WNT7A: variants seen among roughly 807,000 people sequenced by gnomAD.
WNT7A encodes Wnt family member 7A.
In WNT7A, 16 loss-of-function variants were observed where a neutral mutation model predicts 28.2. The observed-to-expected ratio is 0.57, with a 90% CI of 0.38 to 0.86. The LOEUF (loss-of-function observed/expected upper bound fraction) is 0.86. Ranked by LOEUF, WNT7A falls within the 40% of genes least tolerant of loss-of-function variation. The pLI, the probability that WNT7A is intolerant of heterozygous loss-of-function variation, is 0.00. For missense variants in WNT7A, 411 were observed against 489.7 expected, an observed-to-expected ratio of 0.84 and a Z score of 1.52; for synonymous variants, 190 against 195.9, an observed-to-expected ratio of 0.97 and a Z score of 0.25.
rs1694002484 is a variant in WNT7A, at chr3:13,816,314, A to G, written c.*2630T>C. The G allele has an allele frequency of 2.6e-5, 4 of 152,336 alleles. No homozygotes were observed. Among genetic ancestry groups the G allele is most frequent in the South Asian group, 2.1e-4 (1 of 4,820 alleles). The allele number at this position is 152,336 out of a possible 1,614,324, so 9.4% of individuals were successfully genotyped here. On this transcript the variant is annotated 3_prime_UTR_variant, in exon 4 of 4. Coordinates refer to ENST00000285018, the MANE Select transcript of WNT7A (RefSeq NM_004625.4). ...TACAGTCATTACTGGGAGGATCCTC[A>G]CAACAGCCCTGTGAGGTAGGTGTTA...
Position 13,843,592 on chromosome 3 carries a change from G to A in WNT7A, c.570+10940C>T, listed in dbSNP as rs370164317. 2.6e-5 allele frequency among the ~76,000 whole-genome samples: 4 copies of A among 151,880 alleles called. 1 individual carries two copies. Among genetic ancestry groups the A allele is most frequent in the Admixed American group, 6.6e-5 (1 of 15,264 alleles). ...GAGAACACCTCCGGGGGACTGAGCAGTACCCAACCAGAGCCTCAGCTGCCT... is the reference window on the plus strand; with the variant it reads ...GAGAACACCTCCGGGGGACTGAGCAATACCCAACCAGAGCCTCAGCTGCCT... On this transcript the variant is annotated intron_variant, in intron 3 of 3. Coordinates refer to ENST00000285018, the MANE Select transcript of WNT7A (RefSeq NM_004625.4).
chr3:13,839,188 C>T (rs533155006), intron 3 of WNT7A, among the ~76,000 whole-genome samples: 1 of 152,284 alleles, frequency 6.6e-6, no homozygotes, highest in Non-Finnish European at 1.5e-5. Flanking sequence ...GGTGTGGTTC[C>T]TGGACCAACC....
rs781133347 is a variant in WNT7A at position 13,819,102 on chromosome 3, C to T, written c.892G>A (p.Ala298Thr). 5.6e-5 allele frequency: 90 copies of T among 1,613,998 alleles called. No homozygotes were observed. Among genetic ancestry groups the T allele is most frequent in the Non-Finnish European group, 7.2e-5 (85 of 1,180,008 alleles). The change falls in exon 4 of 4, where the codon GCT becomes ACT. Residue 298 changes from alanine to threonine, a missense_variant. Transcript: ENST00000285018. The part of the protein sequence containing the change: ...GTQGRACNKT[A>T]PQASGCDLMC... ...AGGTCACAGCCGCTGGCCTGGGGAG[C>T]CGTCTTGTTGCAGGCGCGGCCCTGG...
intron 3 of WNT7A, among the ~76,000 whole-genome samples, chr3:13,829,440 A>G (rs1385913369): frequency 6.6e-6 from 1 of 152,216 alleles, no homozygotes; most frequent in Non-Finnish European, 1.5e-5. Flanking sequence ...GCGGCCTGGC[A>G]CCAGGTATCT....
At chr3:13,858,732 T>C (rs186931742) in intron 2 of WNT7A, among the ~76,000 whole-genome samples, 85 of 152,340 alleles carry the variant, frequency 5.6e-4, no homozygotes, top group African/African-American at 2.0e-3. Context: ...CCAGTCATTC[T>C]TGGCTTCAGA....
intron 3 of WNT7A, among the ~76,000 whole-genome samples, chr3:13,825,096 C>T (rs1300044590): frequency 6.6e-6 from 1 of 152,206 alleles, no homozygotes; most frequent in Non-Finnish European, 1.5e-5. Context: ...CTTGTAAGAG[C>T]ACAGGGTATT....
At chr3:13,846,884 G>A (rs1254212516) in intron 3 of WNT7A, among the ~76,000 whole-genome samples, 2 of 152,116 alleles carry the variant, frequency 1.3e-5, no homozygotes, top group Non-Finnish European at 2.9e-5. Context: ...GGCTGCCCAC[G>A]TCCATCCAGG....
chr3:13,869,737 GGAAA>G (rs916418873), intron 2 of WNT7A, among the ~76,000 whole-genome samples: 1 of 148,328 alleles, frequency 6.7e-6, no homozygotes, highest in Non-Finnish European at 1.5e-5. Context: ...AAGGAAGGAA[GGAAA>G]GAAAGAAAAG....
chr3:13,831,772 G>T (rs1041384254), intron 3 of WNT7A, among the ~76,000 whole-genome samples: 11 of 152,116 alleles, frequency 7.2e-5, no homozygotes, highest in African/African-American at 2.7e-4. Flanking sequence ...CCAGCTCCAG[G>T]TTTCTCATGG....
At chr3:13,838,332 G>A (rs996571652) in intron 3 of WNT7A, among the ~76,000 whole-genome samples, 1 of 152,202 alleles carries the variant, frequency 6.6e-6, no homozygotes, top group African/African-American at 2.4e-5. Context: ...CTGCTGGCTG[G>A]TGCATGTGCA....
chr3:13,831,404 G>A (rs1369716924), intron 3 of WNT7A, among the ~76,000 whole-genome samples: 1 of 152,220 alleles, frequency 6.6e-6, no homozygotes, highest in African/African-American at 2.4e-5. Context: ...CAGTCAGGAA[G>A]CATGGAACTG....
chr3:13,860,782 T>C (rs777515122), intron 2 of WNT7A, among the ~76,000 whole-genome samples: 3 of 152,164 alleles, frequency 2.0e-5, no homozygotes, highest in Non-Finnish European at 4.4e-5. Context: ...TTCAGGTGGG[T>C]AATTTCCCGA....
At chr3:13,860,541 A>C (rs1165642186) in intron 2 of WNT7A, among the ~76,000 whole-genome samples, 2 of 152,160 alleles carry the variant, frequency 1.3e-5, no homozygotes, top group Non-Finnish European at 2.9e-5. Context: ...AGCCTCCTGG[A>C]ATCTTAAAAT....
At chr3:13,875,293 T>C (rs1339669788) in intron 1 of WNT7A, 120 bp from the exon 2 acceptor site, 1 of 955,254 alleles carries the variant, frequency 1.0e-6, no homozygotes, top group East Asian at 2.6e-5. Context: ...CTCCCAACTT[T>C]TTTGATCCTG....
At position 13,819,082 on chromosome 3, in the gene WNT7A, A is replaced by G. The variant is rs755937279; in HGVS notation, c.912T>C (p.Cys304=). ...CNKTAPQASG[C]DLMCCGRGYN... ...AGCCACGCCCACAGCACATGAGGTC[A>G]CAGCCGCTGGCCTGGGGAGCCGTCT... Residue 304 remains cysteine, a synonymous_variant, in exon 4 of 4, where the codon TGT becomes TGC. Transcript: ENST00000285018. 3.1e-6 allele frequency: 5 copies of G among 1,613,996 alleles called. No homozygotes were observed. Among genetic ancestry groups the G allele is most frequent in the Non-Finnish European group, 4.2e-6 (5 of 1,180,000 alleles).
At chr3:13,856,987 G>GAAGAAGA (rs1694755837) in intron 2 of WNT7A, among the ~76,000 whole-genome samples, 1 of 71,598 alleles carries the variant, frequency 1.4e-5, no homozygotes, top group African/African-American at 7.7e-5. Context: ...GAAGAAGAAG[G>GAAGAAGA]AGAAGAAGAA....
intron 3 of WNT7A, among the ~76,000 whole-genome samples, chr3:13,837,282 AGTTCCTCAGC>A (rs552540630): frequency 4.4e-4 from 67 of 152,088 alleles, no homozygotes; most frequent in African/African-American, 1.5e-3. Context: ...CCCTTCCTCC[AGTTCCTCAGC>A]TCCGGCTCAG....
intron 3 of WNT7A, among the ~76,000 whole-genome samples, chr3:13,846,024 C>A (rs150292339): frequency 6.6e-6 from 1 of 152,316 alleles, no homozygotes; most frequent in Admixed American, 6.5e-5. Context: ...CAGCCTGGGG[C>A]CCCTCACCTG....
intron 2 of WNT7A, among the ~76,000 whole-genome samples, chr3:13,873,217 G>A (rs965172912): frequency 1.3e-5 from 2 of 152,066 alleles, no homozygotes; most frequent in Non-Finnish European, 2.9e-5. Flanking sequence ...CTTGGGAAGA[G>A]GGAAAAGCAG....
Sources: allele counts gnomAD v4.1 joint callset (sites outside exome capture counted in the v4.1 genomes callset), GRCh38; gene constraint gnomAD v4.1.1; transcripts MANE v1.5; gene names NCBI Gene and HGNC (gene_info 2026-07-23, HGNC 2026-07-21).